The following MARCHF1 variants were observed in gnomAD, a reference collection of about 807,000 sequenced individuals.
MARCHF1 encodes E3 ubiquitin-protein ligase MARCHF1.
MARCHF1 carries 40 observed loss-of-function variants against 54.2 expected under a neutral mutation model. The ratio of observed to expected loss-of-function variants is 0.74; its 90% CI spans 0.57 to 0.96. The LOEUF (loss-of-function observed/expected upper bound fraction) is 0.96, where lower values mean the gene tolerates loss of function less well. Ranked by LOEUF, MARCHF1 falls within the 40% of genes least tolerant of loss-of-function variation. MARCHF1 has a pLI of 0.00. For missense variants in MARCHF1, 586 were observed against 656.5 expected (o/e 0.89, Z 1.17); for synonymous variants, 236 against 236.3 (o/e 1.00, Z 0.01).
At chr4:164,012,745 C>T (rs1753451095) in intron 2 of MARCHF1, among the ~76,000 whole-genome samples, 1 of 152,098 alleles carries the variant, frequency 6.6e-6, no homozygotes, top group African/African-American at 2.4e-5. Flanking sequence ...GCCTGGTGAC[C>T]CAGGGAATTC....
intron 4 of MARCHF1, among the ~76,000 whole-genome samples, chr4:163,748,979 A>G (rs1429009850): frequency 6.6e-6 from 1 of 152,254 alleles, no homozygotes; most frequent in Non-Finnish European, 1.5e-5. Flanking sequence ...AAGGGTCAAG[A>G]GCTACATATG....
At chr4:163,591,284 C>A (rs949999329) in intron 7 of MARCHF1, among the ~76,000 whole-genome samples, 7 of 151,888 alleles carry the variant, frequency 4.6e-5, no homozygotes, top group African/African-American at 1.7e-4. Context: ...ACCTTTGACA[C>A]CTTCCCTCTT....
intron 3 of MARCHF1, among the ~76,000 whole-genome samples, chr4:163,965,161 T>C (rs1752418276): frequency 6.6e-6 from 1 of 151,980 alleles, no homozygotes; most frequent in Non-Finnish European, 1.5e-5. Context: ...TAATGATAAA[T>C]AGGGCACAAT....
At chr4:163,824,682 C>A (rs372955943) in intron 4 of MARCHF1, among the ~76,000 whole-genome samples, 2,637 of 84,812 alleles carry the variant, frequency 0.031, 61 homozygotes, top group East Asian at 0.098. Flanking sequence ...GCAAAAGAAA[C>A]TACCATCAGA....
intron 7 of MARCHF1, among the ~76,000 whole-genome samples, chr4:163,596,951 A>AATTATT (rs142972509): frequency 0.016 from 2,395 of 150,748 alleles, 54 homozygotes; most frequent in African/African-American, 0.052. Flanking sequence ...TAATTACCCC[A>AATTATT]ATTATTATTA....
intron 1 of MARCHF1, among the ~76,000 whole-genome samples, chr4:164,117,158 T>C (rs1755955078): frequency 1.3e-5 from 2 of 152,000 alleles, no homozygotes; most frequent in South Asian, 4.1e-4. Flanking sequence ...CTTGGGAGGC[T>C]GAGACAGGAG....
chr4:163,812,215 T>A (rs894015588), intron 4 of MARCHF1, among the ~76,000 whole-genome samples: 1 of 151,740 alleles, frequency 6.6e-6, no homozygotes, highest in African/African-American at 2.4e-5. Flanking sequence ...TTAACCAATA[T>A]CCTAAAATAA....
chr4:164,044,818 GACTC>G (rs887424912), intron 2 of MARCHF1, among the ~76,000 whole-genome samples: 52 of 136,984 alleles, frequency 3.8e-4, no homozygotes, highest in African/African-American at 1.6e-3. Context: ...GGACACTATA[GACTC>G]TCTCTCTCTA....
At position 164,190,044 on chromosome 4, in the gene MARCHF1, T is replaced by C. The variant is rs1731083644; in HGVS notation, c.-322-78382A>G. ...TGAGGAAGACACAAAGCTCAAGGAG[T>C]GCATTGATACTACAAATGAGCTGGA... On this transcript the variant is annotated intron_variant, in intron 1 of 9. Coordinates refer to ENST00000514618, the MANE Select transcript of MARCHF1 (RefSeq NM_001394959.1). 4 of 1,340,586 alleles carry C rather than the reference T, an allele frequency of 3.0e-6. No individual in the cohort carries two copies. In the Admixed American group the frequency reaches 6.7e-5, roughly 22 times the overall value. The allele number at this position is 1,340,586 out of a possible 1,614,324, so 83.0% of individuals were successfully genotyped here.
chr4:164,051,065 T>A (rs1010273095), intron 2 of MARCHF1, among the ~76,000 whole-genome samples: 2 of 152,188 alleles, frequency 1.3e-5, no homozygotes, highest in Admixed American at 6.5e-5. Context: ...TAAATAATTA[T>A]CTTGAAATGA....
intron 2 of MARCHF1, among the ~76,000 whole-genome samples, chr4:164,065,710 T>A (rs1754711867): frequency 6.6e-6 from 1 of 152,138 alleles, no homozygotes; most frequent in Non-Finnish European, 1.5e-5. Context: ...TCCAAAGGCC[T>A]CAAAAGCAGG....
At chr4:164,004,568 T>C (rs966356931) in intron 2 of MARCHF1, among the ~76,000 whole-genome samples, 2 of 151,940 alleles carry the variant, frequency 1.3e-5, no homozygotes, top group African/African-American at 4.8e-5. Flanking sequence ...AAATAAAATA[T>C]TCACAAAAAT....
At chr4:163,719,955 C>A (rs763290348) in intron 4 of MARCHF1, among the ~76,000 whole-genome samples, 34 of 151,826 alleles carry the variant, frequency 2.2e-4, no homozygotes, top group Non-Finnish European at 3.8e-4. Flanking sequence ...AGATTGCAAA[C>A]ATTTTCTCCC....
chr4:164,290,279 T>A (rs928368556), intron 1 of MARCHF1, among the ~76,000 whole-genome samples: 2 of 151,964 alleles, frequency 1.3e-5, no homozygotes, highest in Non-Finnish European at 2.9e-5. Flanking sequence ...GATGTCTCCA[T>A]AATTATATTA....
chr4:164,071,287 G>A (rs150383209), intron 2 of MARCHF1, among the ~76,000 whole-genome samples: 50 of 152,118 alleles, frequency 3.3e-4, no homozygotes, highest in African/African-American at 1.2e-3. Context: ...GAAAGTGTTG[G>A]CATTATTTCT....
chr4:163,752,216 A>G (rs980167917), intron 4 of MARCHF1, among the ~76,000 whole-genome samples: 1 of 152,244 alleles, frequency 6.6e-6, no homozygotes, highest in Non-Finnish European at 1.5e-5. Context: ...AATGCAATAG[A>G]AAACAAGTAT....
At chr4:163,539,050 TGCTTCTGTCACCCAA>T (rs1373691469) in intron 9 of MARCHF1, among the ~76,000 whole-genome samples, 1 of 150,108 alleles carries the variant, frequency 6.7e-6, no homozygotes, top group Non-Finnish European at 1.5e-5. Context: ...GACAGAGTCT[TGCTTCTGTCACCCAA>T]GCTGGAGTGC....
chr4:163,890,986 G>A (rs1327991214), intron 3 of MARCHF1, among the ~76,000 whole-genome samples: 1 of 151,820 alleles, frequency 6.6e-6, no homozygotes, highest in Non-Finnish European at 1.5e-5. Flanking sequence ...ATATACTGCT[G>A]TTATTCATAT....
chr4:164,180,512 A>G (rs1730805444), intron 1 of MARCHF1, among the ~76,000 whole-genome samples: 1 of 146,908 alleles, frequency 6.8e-6, no homozygotes, highest in Non-Finnish European at 1.5e-5. Flanking sequence ...TGGTAATGAT[A>G]AAATATTTCA....
Sources: gnomAD v4.1 joint callset for allele counts (sites outside exome capture counted in the v4.1 genomes callset) on GRCh38, gnomAD v4.1.1 for gene constraint, MANE v1.5 for transcripts, NCBI Gene and HGNC (gene_info 2026-07-23, HGNC 2026-07-21) for gene names.